Variants in PARD3B observed in about 807,000 individuals in gnomAD.
PARD3B encodes par-3 family cell polarity regulator beta.
PARD3B carries 103 observed loss-of-function variants against 130.2 expected under a neutral mutation model. That is an observed-to-expected ratio of 0.79 (90% CI 0.67 to 0.93). PARD3B has a LOEUF of 0.93. PARD3B is among the 40% of genes least tolerant of loss of function. The pLI, the probability that PARD3B is intolerant of heterozygous loss-of-function variation, is 0.00. For synonymous variants in PARD3B, 583 were observed against 553.2 expected, an observed-to-expected ratio of 1.05 and a Z score of -0.76; for missense variants, 1,609 against 1,499.2, an observed-to-expected ratio of 1.07 and a Z score of -1.21.
At chr2:205,200,841 T>A (rs377082985) in intron 15 of PARD3B, among the ~76,000 whole-genome samples, 28 of 152,198 alleles carry the variant, frequency 1.8e-4, no homozygotes, top group Admixed American at 6.5e-4. Context: ...ATAAAGGTTA[T>A]GTCCTAAAGT....
chr2:204,894,915 G>T (rs2046587278), intron 2 of PARD3B, among the ~76,000 whole-genome samples: 1 of 152,018 alleles, frequency 6.6e-6, no homozygotes, highest in South Asian at 2.1e-4. Context: ...GAATAAACTT[G>T]ATTAGAAGAA....
intron 2 of PARD3B, among the ~76,000 whole-genome samples, chr2:204,693,491 A>T (rs2037449368): frequency 6.6e-6 from 1 of 152,206 alleles, no homozygotes; most frequent in Non-Finnish European, 1.5e-5. Context: ...GGAACTAAAA[A>T]TAGTACTAAT....
intron 1 of PARD3B, among the ~76,000 whole-genome samples, chr2:204,630,440 T>A (rs2034637746): frequency 6.6e-6 from 1 of 151,446 alleles, no homozygotes; most frequent in Non-Finnish European, 1.5e-5. Flanking sequence ...TTTGTGGATA[T>A]TTATGTTTTT....
At chr2:204,915,042 C>T (rs1158595202) in intron 2 of PARD3B, among the ~76,000 whole-genome samples, 5 of 152,018 alleles carry the variant, frequency 3.3e-5, no homozygotes, top group Non-Finnish European at 7.4e-5. Flanking sequence ...GGTGGATCGG[C>T]GGGGAGGAGG....
chr2:205,136,110 C>T (rs2032461000), intron 10 of PARD3B, among the ~76,000 whole-genome samples: 2 of 152,070 alleles, frequency 1.3e-5, no homozygotes, highest in African/African-American at 4.8e-5. Context: ...CTAGTCTTTC[C>T]GTAATTAATC....
intron 1 of PARD3B, among the ~76,000 whole-genome samples, chr2:204,572,055 CG>C (rs1316453080): frequency 3.9e-5 from 6 of 151,910 alleles, no homozygotes; most frequent in Non-Finnish European, 8.8e-5. Flanking sequence ...AGTAACTTTG[CG>C]GATCTAGAAT....
rs566333974 is a variant in PARD3B, at chr2:205,444,229, C to T, written c.3044+3557C>T. Among the ~76,000 whole-genome samples, 91 of 152,254 alleles carry T rather than the reference C, an allele frequency of 6.0e-4. No homozygotes were observed. The South Asian group carries it at 0.018, about 31-fold the overall frequency. ...AACTCCTGACTTCAGGTGATCTGCCCCCCTTGGCCTCCCAAAATGCTGGGA... is the reference window on the plus strand; with the variant it reads ...AACTCCTGACTTCAGGTGATCTGCCTCCCTTGGCCTCCCAAAATGCTGGGA... On this transcript the variant is annotated intron_variant, in intron 20 of 22. Coordinates refer to ENST00000406610, the MANE Select transcript of PARD3B (RefSeq NM_001302769.2).
In PARD3B at chr2:205,021,620, C is replaced by G. The variant is rs1003573029; in HGVS notation, c.395-25961C>G. ...TCTCTCTCTCTCTCTCTCTCTCTCT[C>G]CCTCTCTCTTTCTCTCTCTCTCTCT... On this transcript the variant is annotated intron_variant, in intron 3 of 22. Coordinates refer to ENST00000406610, the MANE Select transcript of PARD3B (RefSeq NM_001302769.2). The surrounding 1 kb of genome is among the most constrained non-coding windows in gnomAD (Gnocchi z 4.5). Among the ~76,000 whole-genome samples the G allele has an allele frequency of 7.3e-6, 1 of 136,678 alleles. No homozygotes were observed. The highest frequency in any genetic ancestry group is 2.7e-5 in the African/African-American group (1 of 36,706). The allele number at this position is 136,678 out of a possible 152,430, so 89.7% of individuals were successfully genotyped here.
intron 1 of PARD3B, among the ~76,000 whole-genome samples, chr2:204,563,234 T>TCTCG (rs2031448732): frequency 1.4e-5 from 2 of 144,532 alleles, no homozygotes; most frequent in Admixed American, 6.9e-5. Flanking sequence ...TCTCTCTCTC[T>TCTCG]CTCTCTCTCT....
chr2:204,553,695 T>C (rs10210596), intron 1 of PARD3B, among the ~76,000 whole-genome samples: 5,704 of 89,132 alleles, frequency 0.064, 208 homozygotes, highest in Middle Eastern at 0.13. Context: ...TATATATATA[T>C]ACACACATAT....
chr2:204,725,587 G>T (rs761321675), intron 2 of PARD3B, among the ~76,000 whole-genome samples: 1 of 152,058 alleles, frequency 6.6e-6, no homozygotes, highest in African/African-American at 2.4e-5. Context: ...ACATCCACTC[G>T]TCATCTTCAG....
intron 4 of PARD3B, among the ~76,000 whole-genome samples, chr2:205,058,714 T>C: frequency 6.6e-6 from 1 of 152,030 alleles, no homozygotes; most frequent in East Asian, 1.9e-4. Flanking sequence ...TCTTTTTAAG[T>C]ACTTATTGGC....
chr2:204,716,466 A>G (rs550494461), intron 2 of PARD3B, among the ~76,000 whole-genome samples: 17 of 152,096 alleles, frequency 1.1e-4, no homozygotes, highest in Non-Finnish European at 1.3e-4. Context: ...TTAATCCGTT[A>G]GACAAGGAGT....
rs2042317250 is a variant in PARD3B, at chr2:205,309,940, A to G, written c.2630+8239A>G. On this transcript the variant is annotated intron_variant, in intron 18 of 22. Coordinates refer to ENST00000406610, the MANE Select transcript of PARD3B (RefSeq NM_001302769.2). This position sits in a 1 kb window ranked among gnomAD's most constrained non-coding sequence, Gnocchi z 4.7. ...TCTATCTATCTATCATCTATTTTTC[A>G]TTGGAAAGTAAAAACTGTCTATATA... 6.6e-6 allele frequency among the ~76,000 whole-genome samples: 1 copy of G among 151,770 alleles called. No individual in the cohort carries two copies. The highest frequency in any genetic ancestry group is 1.9e-4 in the East Asian group (1 of 5,152).
At chr2:205,450,727 C>T (rs1476316354) in intron 20 of PARD3B, among the ~76,000 whole-genome samples, 4 of 152,110 alleles carry the variant, frequency 2.6e-5, no homozygotes, top group East Asian at 1.9e-4. Flanking sequence ...CCGCCCGCCT[C>T]GGCCTCCCAA....
At chr2:205,140,456 G>GA (rs5837955) in intron 10 of PARD3B, among the ~76,000 whole-genome samples, 1,154 of 88,648 alleles carry the variant, frequency 0.013, 23 homozygotes, top group African/African-American at 0.044. Flanking sequence ...TCCAGAGAGT[G>GA]AAAAAAAAAA....
intron 16 of PARD3B, among the ~76,000 whole-genome samples, chr2:205,252,008 G>T (rs1362436757): frequency 1.3e-5 from 2 of 152,038 alleles, no homozygotes; most frequent in Non-Finnish European, 2.9e-5. Context: ...TATGTCTAGC[G>T]TTCTTCCTAT....
intron 20 of PARD3B, among the ~76,000 whole-genome samples, chr2:205,491,199 G>A (rs2049692508): frequency 6.6e-6 from 1 of 152,060 alleles, no homozygotes; most frequent in Non-Finnish European, 1.5e-5. Flanking sequence ...TGTCCTGAAT[G>A]GTATTGCCTA....
intron 9 of PARD3B, 40 bp downstream of exon 9, chr2:205,124,506 G>T: frequency 6.8e-7 from 1 of 1,478,148 alleles, no homozygotes; most frequent in South Asian, 1.5e-5. Context: ...AATATTTCTT[G>T]GCATTTAAAT....
Sources: gnomAD v4.1 joint callset for allele counts (sites outside exome capture counted in the v4.1 genomes callset) on GRCh38, gnomAD v4.1.1 for gene constraint, Gnocchi (gnomAD v3.1) non-coding constraint, MANE v1.5 for transcripts, NCBI Gene and HGNC (gene_info 2026-07-23, HGNC 2026-07-21) for gene names.